Variants in CCDC149 observed in about 807,000 individuals in gnomAD.
CCDC149 encodes the protein coiled-coil domain-containing protein 149.
In CCDC149, 45 loss-of-function variants were observed where a neutral mutation model predicts 59.9. That is an observed-to-expected ratio of 0.75 (90% CI 0.59 to 0.96). The LOEUF (loss-of-function observed/expected upper bound fraction) is 0.96. Among genes scored for constraint, CCDC149 ranks in the 40% least tolerant of loss-of-function variants. CCDC149 has a pLI of 0.00. For synonymous variants in CCDC149, 245 were observed against 260.6 expected, an observed-to-expected ratio of 0.94 and a Z score of 0.58; for missense variants, 584 against 664.7, an observed-to-expected ratio of 0.88 and a Z score of 1.33.
At chr4:24,822,598 A>T in intron 9 of CCDC149, 25 bp from the exon 10 acceptor site, 1 of 1,497,530 alleles carries the variant, frequency 6.7e-7, no homozygotes, top group Non-Finnish European at 9.0e-7. Flanking sequence ...GAAAATGACA[A>T]TCAATTACTG....
rs113955237 is a variant in CCDC149, at chr4:24,818,273, A to G, written c.1192+1586T>C. Among the ~76,000 whole-genome samples the G allele has an allele frequency of 3.3e-3, 505 of 152,256 alleles. 3 individuals are homozygous for G. The highest frequency in any genetic ancestry group is 0.011 in the African/African-American group (473 of 41,544). On this transcript the variant is annotated intron_variant, in intron 12 of 12. Transcript: ENST00000635206. ...ACAAAAAAAGAAGGAAGAAAGCAGG[A>G]AGAGTTGGTGATGTCATGCTTGAGA...
chr4:24,953,690 C>A lies in CCDC149; in HGVS notation c.-65+26379G>T, dbSNP rs921490421. ...ATTCAGAGGAAAAAATAATAATCAG[C>A]AGAAACTGTCCCTGAAAAAGACCTG... On this transcript the variant is annotated intron_variant, in intron 1 of 12. Coordinates refer to the CCDC149 transcript ENST00000389609. 3.9e-5 allele frequency among the ~76,000 whole-genome samples: 6 copies of A among 152,158 alleles called. 1 individual carries two copies. The highest frequency in any genetic ancestry group is 8.8e-5 in the Non-Finnish European group (6 of 68,038).
intron 3 of CCDC149, among the ~76,000 whole-genome samples, chr4:24,857,874 C>T (rs1025125203): frequency 2.0e-5 from 3 of 152,168 alleles, no homozygotes; most frequent in African/African-American, 7.2e-5. Flanking sequence ...CTGTAATTTT[C>T]TTTTACCTTT....
intron 1 of CCDC149, among the ~76,000 whole-genome samples, chr4:24,884,614 G>T (rs908098204): frequency 3.3e-5 from 5 of 152,192 alleles, no homozygotes; most frequent in African/African-American, 9.7e-5. Context: ...TAATGGTTGG[G>T]AACACGGCAG....
intron 12 of CCDC149, among the ~76,000 whole-genome samples, chr4:24,811,656 T>C (rs1714612021): frequency 1.3e-5 from 2 of 152,260 alleles, no homozygotes; most frequent in East Asian, 3.9e-4. Flanking sequence ...GCGGATCACC[T>C]GAGGTCAGGA....
At chr4:24,943,297 G>C (rs79862058) in intron 1 of CCDC149, among the ~76,000 whole-genome samples, 69,337 of 151,456 alleles carry the variant, frequency 0.46, 18,794 homozygotes, top group African/African-American at 0.77. Context: ...ACAAACCTGA[G>C]AAAAACAAGC....
intron 4 of CCDC149, among the ~76,000 whole-genome samples, chr4:24,840,801 A>G (rs900503421): frequency 1.3e-5 from 2 of 152,218 alleles, no homozygotes; most frequent in African/African-American, 2.4e-5. Flanking sequence ...ACTCAGTTCA[A>G]TGTTCATGAA....
intron 4 of CCDC149, among the ~76,000 whole-genome samples, chr4:24,847,010 A>C (rs1182785441): frequency 6.6e-6 from 1 of 152,198 alleles, no homozygotes; most frequent in Non-Finnish European, 1.5e-5. Flanking sequence ...AGCACACAAA[A>C]TGCAAGAAAG....
At chr4:24,858,283 C>T (rs1332489560) in intron 3 of CCDC149, among the ~76,000 whole-genome samples, 1 of 152,176 alleles carries the variant, frequency 6.6e-6, no homozygotes, top group Non-Finnish European at 1.5e-5. Flanking sequence ...AAAGTGGCAG[C>T]CTGCCTAAGA....
At chr4:24,862,328 T>C (rs1379654329) in intron 3 of CCDC149, among the ~76,000 whole-genome samples, 2 of 152,190 alleles carry the variant, frequency 1.3e-5, no homozygotes, top group Non-Finnish European at 2.9e-5. Flanking sequence ...GAAGCATCTG[T>C]AGAACTTCTG....
intron 12 of CCDC149, among the ~76,000 whole-genome samples, chr4:24,811,145 C>T (rs751558567): frequency 3.9e-5 from 6 of 152,284 alleles, no homozygotes; most frequent in Non-Finnish European, 8.8e-5. Context: ...AGACTTTAAG[C>T]TTAATTTTCC....
At chr4:24,855,579 A>AAG (rs540938216) in intron 3 of CCDC149, among the ~76,000 whole-genome samples, 209 of 150,728 alleles carry the variant, frequency 1.4e-3, no homozygotes, top group South Asian at 4.0e-3. Flanking sequence ...TGTCTCAAAA[A>AAG]AAAAAAAGGA....
intron 1 of CCDC149, among the ~76,000 whole-genome samples, chr4:24,882,942 A>G (rs1484442930): frequency 6.6e-6 from 1 of 152,176 alleles, no homozygotes; most frequent in Non-Finnish European, 1.5e-5. Context: ...ACTTCCTCAC[A>G]TAGGCCAAGA....
rs927159982 is a variant in CCDC149, at chr4:24,860,779, T to C, written c.265-7600A>G. Among the ~76,000 whole-genome samples the C allele has an allele frequency of 2.6e-5, 4 of 151,868 alleles. No individual in the cohort carries two copies. In the East Asian group the frequency reaches 5.8e-4, roughly 22 times the overall value. Reference sequence around the variant, plus strand: ...AAACAAATATTCCCATTAGAAAAGGTAGATAAGAACATGAAGAGACAATTC... The same window carrying C: ...AAACAAATATTCCCATTAGAAAAGGCAGATAAGAACATGAAGAGACAATTC... On this transcript the variant is annotated intron_variant, in intron 3 of 12. Coordinates refer to ENST00000635206, the MANE Select transcript of CCDC149 (RefSeq NM_001330643.2).
chr4:24,931,309 A>AT (rs1460726942), intron 1 of CCDC149, among the ~76,000 whole-genome samples: 6 of 131,540 alleles, frequency 4.6e-5, no homozygotes, highest in East Asian at 2.0e-4. Flanking sequence ...ATTTATTTTA[A>AT]AATATATATA....
At chr4:24,904,661 G>A (rs1366059100) in intron 1 of CCDC149, among the ~76,000 whole-genome samples, 1 of 152,160 alleles carries the variant, frequency 6.6e-6, no homozygotes, top group Non-Finnish European at 1.5e-5. Context: ...CAATGTATGA[G>A]ACTTCTAGTT....
chr4:24,908,324 C>G (rs1038879154), intron 1 of CCDC149, among the ~76,000 whole-genome samples: 2 of 152,134 alleles, frequency 1.3e-5, no homozygotes, highest in Non-Finnish European at 2.9e-5. Flanking sequence ...GAGTCTAAGT[C>G]AACAACTGAA....
chr4:24,855,333 C>T (rs1247731948), intron 3 of CCDC149, among the ~76,000 whole-genome samples: 1 of 152,080 alleles, frequency 6.6e-6, no homozygotes, highest in Non-Finnish European at 1.5e-5. Flanking sequence ...GGGAGGCCGA[C>T]ACGGGTGGAT....
At position 24,808,308 on chromosome 4, in the gene CCDC149, C is replaced by A; in HGVS notation, c.*81G>T. 7.8e-7 allele frequency: 1 copy of A among 1,290,048 alleles called. No individual in the cohort carries two copies. The highest frequency in any genetic ancestry group is 1.0e-6 in the Non-Finnish European group (1 of 982,014). 79.9% of individuals were successfully genotyped at this position (1,290,048 alleles called of 1,614,324 possible). On this transcript the variant is annotated 3_prime_UTR_variant, in exon 13 of 13. Coordinates refer to ENST00000635206, the MANE Select transcript of CCDC149 (RefSeq NM_001330643.2). ...TCGGAGGTATTTCAGGAGAAGGCGACGTGAGCGCACCATTCCGATGCTTCA... is the reference window on the plus strand; with the variant it reads ...TCGGAGGTATTTCAGGAGAAGGCGAAGTGAGCGCACCATTCCGATGCTTCA...
Sources: gnomAD v4.1 joint callset for allele counts (sites outside exome capture counted in the v4.1 genomes callset) on GRCh38, gnomAD v4.1.1 for gene constraint, MANE v1.5 for transcripts, NCBI Gene and HGNC (gene_info 2026-07-23, HGNC 2026-07-21) for gene names.